The following CELF1 variants were observed in gnomAD, a reference collection of about 807,000 sequenced individuals.
CELF1 encodes the protein 50 kDa nuclear polyadenylated RNA-binding protein.
In CELF1, 10 loss-of-function variants were observed where a neutral mutation model predicts 61.8. That is an observed-to-expected ratio of 0.16 (90% CI 0.10 to 0.27). The LOEUF (loss-of-function observed/expected upper bound fraction) is 0.27. Ranked by LOEUF, CELF1 falls within the 10% of genes least tolerant of loss-of-function variation. The pLI, the probability that CELF1 is intolerant of heterozygous loss-of-function variation, is 1.00. For missense variants in CELF1, 380 were observed against 639.1 expected (o/e 0.59, Z 4.37); for synonymous variants, 236 against 225.1 (o/e 1.05, Z -0.43).
At chr11:47,507,485 G>A (rs17726787) in intron 1 of CELF1, among the ~76,000 whole-genome samples, 16,174 of 152,070 alleles carry the variant, frequency 0.11, 988 homozygotes, top group Non-Finnish European at 0.14. Context: ...AGAAGATGGG[G>A]AAGTTAATTG....
In CELF1 at chr11:47,470,224, G is replaced by A. The variant is rs80211172; in HGVS notation, c.*2006C>T. 23 of 151,502 alleles carry A rather than the reference G, an allele frequency of 1.5e-4. 1 individual carries two copies. Among genetic ancestry groups the A allele is most frequent in the Admixed American group, 1.4e-3 (22 of 15,250 alleles). The allele number at this position is 151,502 out of a possible 1,614,324, so 9.4% of individuals were successfully genotyped here. ...ATAAAACTTCTATAAAAATAGAAAC[G>A]ACATTCTTGGTTCCAGCCGGTTGGG... On this transcript the variant is annotated 3_prime_UTR_variant, in exon 15 of 15. Transcript: ENST00000687097.
intron 4 of CELF1, among the ~76,000 whole-genome samples, chr11:47,487,466 T>G (rs894993565): frequency 3.3e-5 from 5 of 152,242 alleles, no homozygotes; most frequent in African/African-American, 1.2e-4. Flanking sequence ...AGTTACACTA[T>G]AAGTCTTATT....
chr11:47,472,180 C>T lies in CELF1; in HGVS notation c.*50G>A. ...GCTTCGAATCATTAAGGGTGCTCCT[C>T]CCCCACTTACCAGAAGACCCTCTCA... is the stretch of plus-strand genomic sequence containing the variant. On this transcript the variant is annotated 3_prime_UTR_variant, in exon 15 of 15. Coordinates refer to ENST00000687097, the MANE Select transcript of CELF1 (RefSeq NM_001376376.1). 1 of 1,604,988 alleles carries T rather than the reference C, an allele frequency of 6.2e-7. No individual in the cohort carries two copies. The highest frequency in any genetic ancestry group is 8.5e-7 in the Non-Finnish European group (1 of 1,174,052).
intron 3 of CELF1, among the ~76,000 whole-genome samples, chr11:47,499,104 G>C (rs979051353): frequency 1.4e-4 from 22 of 152,004 alleles, no homozygotes; most frequent in African/African-American, 5.1e-4. Flanking sequence ...ATTTGAAATT[G>C]CATGTCCAAC....
At chr11:47,482,268 A>G (rs2083768353) in intron 9 of CELF1, among the ~76,000 whole-genome samples, 1 of 152,130 alleles carries the variant, frequency 6.6e-6, no homozygotes, top group Non-Finnish European at 1.5e-5. Context: ...TGATCTCTCA[A>G]GTCCGCTGAA....
intron 13 of CELF1, among the ~76,000 whole-genome samples, chr11:47,474,194 G>T (rs11039255): frequency 0.3 from 45,765 of 152,080 alleles, 7,429 homozygotes; most frequent in Middle Eastern, 0.4. Flanking sequence ...ACTGCGCCCA[G>T]CCTACTCAAT....
rs1399566312 is a variant in CELF1, at chr11:47,470,180, T to C, written c.*2050A>G. On this transcript the variant is annotated 3_prime_UTR_variant, in exon 15 of 15. Transcript: ENST00000687097. The stretch of plus-strand genomic sequence containing the variant: ...AGAGATATAATTTAGGTAATAAATA[T>C]TCTCCACCCCGGAGCTGTATAAAAC... 6.6e-6 allele frequency: 1 copy of C among 152,178 alleles called. No individual in the cohort carries two copies. Among genetic ancestry groups the C allele is most frequent in the Non-Finnish European group, 1.5e-5 (1 of 68,030 alleles). The allele number at this position is 152,178 out of a possible 1,614,324, so 9.4% of individuals were successfully genotyped here.
intron 1 of CELF1, among the ~76,000 whole-genome samples, chr11:47,536,935 CAT>C (rs1231429831): frequency 6.6e-6 from 1 of 152,116 alleles, no homozygotes; most frequent in African/African-American, 2.4e-5. Context: ...AGTTTTGGCA[CAT>C]GAGTTTAATA....
intron 1 of CELF1, among the ~76,000 whole-genome samples, chr11:47,545,912 T>TAG (rs1353162140): frequency 2.3e-5 from 3 of 129,592 alleles, no homozygotes; most frequent in Non-Finnish European, 4.7e-5. Flanking sequence ...TGTGTATATA[T>TAG]ATATTTTTTT....
intron 9 of CELF1, among the ~76,000 whole-genome samples, chr11:47,479,501 C>G (rs2081832099): frequency 6.6e-6 from 1 of 152,234 alleles, no homozygotes. Flanking sequence ...ATCACTCCAG[C>G]TACACATCTA....
chr11:47,494,971 C>T (rs961271697), intron 3 of CELF1, among the ~76,000 whole-genome samples: 2 of 152,178 alleles, frequency 1.3e-5, no homozygotes, highest in Non-Finnish European at 2.9e-5. Context: ...AGGCTGGTCT[C>T]GAACTCCTGG....
chr11:47,523,069 A>G lies in CELF1; in HGVS notation c.-153-22137T>C, dbSNP rs75387502. 9.6e-3 allele frequency among the ~76,000 whole-genome samples: 1,456 copies of G among 152,224 alleles called. 13 individuals are homozygous for G. The highest frequency in any genetic ancestry group is 0.017 in the Non-Finnish European group (1,134 of 68,020). On this transcript the variant is annotated intron_variant, in intron 1 of 14. Transcript: ENST00000687097. ...TCTGAGAACACTTATTTATGTATAA[A>G]CATTTATTCATTCCTTCCATCAAAC...
intron 1 of CELF1, among the ~76,000 whole-genome samples, chr11:47,528,849 CCA>C (rs1350793555): frequency 6.6e-6 from 1 of 151,742 alleles, no homozygotes; most frequent in Non-Finnish European, 1.5e-5. Flanking sequence ...TATGATCACG[CCA>C]CTGCACTCCA....
At chr11:47,481,272 CA>C (rs1208864755) in intron 9 of CELF1, among the ~76,000 whole-genome samples, 13 of 151,810 alleles carry the variant, frequency 8.6e-5, no homozygotes, top group African/African-American at 3.1e-4. Flanking sequence ...GGATTACAGG[CA>C]CCTGCCACCA....
upstream of CELF1, chr11:47,565,512 C>A: frequency 1.0e-6 from 1 of 991,252 alleles, no homozygotes; most frequent in Non-Finnish European, 1.3e-6. Flanking sequence ...CGGTGCGAGC[C>A]CGCGAGAGGC....
At chr11:47,558,049 G>T (rs1202088355), upstream of CELF1, among the ~76,000 whole-genome samples, 1 of 151,872 alleles carries the variant, frequency 6.6e-6, no homozygotes. Flanking sequence ...TAGAGACAGG[G>T]TTTCACCATG....
In CELF1 at chr11:47,469,374, G is replaced by A. The variant is rs749863564; in HGVS notation, c.*2856C>T. On this transcript the variant is annotated 3_prime_UTR_variant, in exon 15 of 15. Transcript: ENST00000687097. Reference sequence around the variant, plus strand: ...CATCCAGGCCCTGGCCACTCAAGGGGAACCCAGGAGACAGTGGTCTGGCTG... The same window carrying A: ...CATCCAGGCCCTGGCCACTCAAGGGAAACCCAGGAGACAGTGGTCTGGCTG... The A allele has an allele frequency of 1.1e-4, 17 of 152,250 alleles. No homozygotes were observed. The highest frequency in any genetic ancestry group is 1.8e-4 in the Non-Finnish European group (12 of 68,054). The allele number at this position is 152,250 out of a possible 1,614,324, so 9.4% of individuals were successfully genotyped here. A position where few individuals can be genotyped will look rare whatever the true frequency, so the allele number is the denominator to read the frequency against.
At chr11:47,522,984 C>T (rs1019997094) in intron 1 of CELF1, among the ~76,000 whole-genome samples, 1 of 152,046 alleles carries the variant, frequency 6.6e-6, no homozygotes, top group Non-Finnish European at 1.5e-5. Flanking sequence ...AGATCTTGCA[C>T]CTCCAACTGG....
rs1485105322 is a variant in CELF1 at position 47,548,812 on chromosome 11, G to A, written c.-154+4180C>T. Among the ~76,000 whole-genome samples, 4 of 143,044 alleles carry A rather than the reference G, an allele frequency of 2.8e-5. No individual in the cohort carries two copies. The Admixed American group carries it at 3.0e-4, about 11-fold the overall frequency. The allele number at this position is 143,044 out of a possible 152,430, so 93.8% of individuals were successfully genotyped here. A position where few individuals can be genotyped will look rare whatever the true frequency, so the allele number is the denominator to read the frequency against. On this transcript the variant is annotated intron_variant, in intron 1 of 14. Coordinates refer to ENST00000687097, the MANE Select transcript of CELF1 (RefSeq NM_001376376.1). ...ACCCAGTGGGCGGAAGTTGCAGTGAGCAGAGATCACACCACTGCACTCCAG... is the reference window on the plus strand; with the variant it reads ...ACCCAGTGGGCGGAAGTTGCAGTGAACAGAGATCACACCACTGCACTCCAG...
Sources: allele counts gnomAD v4.1 joint callset (sites outside exome capture counted in the v4.1 genomes callset), GRCh38; gene constraint gnomAD v4.1.1; transcripts MANE v1.5; gene names NCBI Gene and HGNC (gene_info 2026-07-23, HGNC 2026-07-21).